The following ANKRD18A variants were observed in gnomAD, a reference collection of about 807,000 sequenced individuals.
ANKRD18A encodes ankyrin repeat domain-containing protein 18A.
Under a neutral mutation model 110.6 loss-of-function variants are expected in ANKRD18A, and 72 were observed. The observed-to-expected ratio is 0.65, with a 90% CI of 0.54 to 0.79. The LOEUF is 0.79. ANKRD18A is among the 30% of genes least tolerant of loss of function. ANKRD18A has a pLI of 0.00. For missense variants in ANKRD18A, 934 were observed against 1,163.3 expected, an observed-to-expected ratio of 0.80 and a Z score of 2.87; for synonymous variants, 305 against 410.3, an observed-to-expected ratio of 0.74 and a Z score of 3.10.
chr9:38,590,513 A>T (rs1331617662), intron 10 of ANKRD18A, among the ~76,000 whole-genome samples: 1 of 152,058 alleles, frequency 6.6e-6, no homozygotes, highest in East Asian at 1.9e-4. Context: ...CAGCCTCCCA[A>T]AGTGTTGGGA....
chr9:38,597,701 G>C (rs557164373), intron 8 of ANKRD18A, among the ~76,000 whole-genome samples: 1 of 152,132 alleles, frequency 6.6e-6, no homozygotes, highest in Non-Finnish European at 1.5e-5. Context: ...ATGGCTCAGA[G>C]GGTGGTGGGA....
At chr9:38,571,173 G>A, downstream of ANKRD18A, 2 of 1,534,402 alleles carry the variant, frequency 1.3e-6, no homozygotes, top group South Asian at 1.2e-5. Flanking sequence ...AGCGCATGAT[G>A]GGAAGGGCTC....
At chr9:38,598,528 G>C (rs1392887657) in intron 8 of ANKRD18A, among the ~76,000 whole-genome samples, 1 of 152,172 alleles carries the variant, frequency 6.6e-6, no homozygotes, top group Non-Finnish European at 1.5e-5. Context: ...CTCTTTTATA[G>C]TTGAACTTTT....
Position 38,611,322 on chromosome 9 carries a change from C to T in ANKRD18A, c.496-1G>A. 1 of 1,513,842 alleles carries T rather than the reference C, an allele frequency of 6.6e-7. No individual in the cohort carries two copies. Among genetic ancestry groups the T allele is most frequent in the Non-Finnish European group, 8.8e-7 (1 of 1,134,898 alleles). 93.8% of individuals were successfully genotyped at this position (1,513,842 alleles called of 1,614,324 possible). On this transcript the variant is annotated splice_acceptor_variant, in intron 3 of 15. Coordinates refer to ENST00000399703, the MANE Select transcript of ANKRD18A (RefSeq NM_147195.4). LOFTEE classifies it high-confidence loss of function. ...CAAACAAAAGTGGAGTGTTTCCCTCCTGTAAGAAAGCAAAAACAATTTATA... is the reference window on the plus strand; with the variant it reads ...CAAACAAAAGTGGAGTGTTTCCCTCTTGTAAGAAAGCAAAAACAATTTATA...
At chr9:38,618,282 A>C (rs1291570019) in intron 1 of ANKRD18A, among the ~76,000 whole-genome samples, 2 of 152,226 alleles carry the variant, frequency 1.3e-5, no homozygotes, top group African/African-American at 4.8e-5. Flanking sequence ...ACAAATGCTC[A>C]GAAGTTACAA....
intron 15 of ANKRD18A, chr9:38,572,915 ACT>A: frequency 5.8e-6 from 2 of 344,390 alleles, no homozygotes; most frequent in Non-Finnish European, 1.1e-5. Flanking sequence ...GCATAAGTAT[ACT>A]CTTCACTGTG....
chr9:38,593,806 T>C lies in ANKRD18A; in HGVS notation c.1958A>G (p.Asn653Ser). 3 of 1,542,740 alleles carry C rather than the reference T, an allele frequency of 1.9e-6. No homozygotes were observed. The highest frequency in any genetic ancestry group is 2.6e-6 in the Non-Finnish European group (3 of 1,143,652). Residue 653 changes from asparagine to serine, a missense_variant, in exon 10 of 16, where the codon AAT becomes AGT. Asn to Ser is a conservative substitution (Grantham distance 46, BLOSUM62 1). This residue lies in a region of ANKRD18A where 630 missense variants were observed against 797.5 expected (regional missense o/e 0.79). Transcript: ENST00000399703. ...EGTSHCHINL[N>S]ETWTSKKKLF... The stretch of plus-strand genomic sequence containing the variant: ...TTTCTTCTTTGAAGTCCATGTCTCA[T>C]TCAAATTAATATGACAATGTGATGT...
chr9:38,603,297 T>C lies in ANKRD18A; in HGVS notation c.809-85A>G. Reference sequence around the variant, plus strand: ...TTACCTGGCAAAGTTTCACTTACTCTGCATGCTTACCCTAAATCCTACCCA... The same window carrying C: ...TTACCTGGCAAAGTTTCACTTACTCCGCATGCTTACCCTAAATCCTACCCA... On this transcript the variant is annotated intron_variant, in intron 6 of 15. Transcript: ENST00000399703. The C allele has an allele frequency of 2.0e-6, 3 of 1,530,596 alleles. No individual in the cohort carries two copies. In the South Asian group the frequency reaches 3.6e-5, roughly 19 times the overall value. The allele number at this position is 1,530,596 out of a possible 1,614,324, so 94.8% of individuals were successfully genotyped here.
chr9:38,595,715 A>G lies in ANKRD18A; in HGVS notation c.1625T>C (p.Leu542Ser). Residue 542 changes from leucine (L) to serine (S), a missense_variant, in exon 9 of 16, where the codon TTA (leucine) becomes TCA (serine). Around this residue, in one of 4 missense-constraint regions of ANKRD18A, gnomAD observed 630 missense variants for 797.5 expected, o/e 0.79. Transcript: ENST00000399703. ...ESQSIGKQNS[L>S]EERIRQQELE... ...TTCTTGTTGACGTATTCTCTCCTCT[A>G]AAGAGTTCTGCTTTCCAATGGATTG... 6.4e-7 allele frequency: 1 copy of G among 1,551,398 alleles called. No homozygotes were observed.
rs1035397888 is a variant in ANKRD18A, at chr9:38,615,704, T to G, written c.385A>C (p.Ile129Leu). The change falls in exon 3 of 16, where the codon ATT becomes CTT. Residue 129 changes from isoleucine to leucine, a missense_variant. By Grantham distance (5) the Ile-to-Leu change is conservative. Coordinates refer to ENST00000399703, the MANE Select transcript of ANKRD18A (RefSeq NM_147195.4). ...VLLECGANPN[I>L]EDIYGNTALH... ...GCAGTGTTGCCGTAGATATCCTCAA[T>G]GTTTGGATTGGCGCCACATTCCAGG... is the stretch of plus-strand genomic sequence containing the variant. 1.7e-5 allele frequency: 27 copies of G among 1,612,662 alleles called. No homozygotes were observed. The highest frequency in any genetic ancestry group is 2.2e-5 in the Non-Finnish European group (26 of 1,179,868).
In ANKRD18A at chr9:38,596,414, CA is replaced by C; in HGVS notation, c.937-12del. The C allele has an allele frequency of 3.5e-6, 5 of 1,428,734 alleles. No individual in the cohort carries two copies. The highest frequency in any genetic ancestry group is 3.7e-6 in the Non-Finnish European group (4 of 1,089,734). The allele number at this position is 1,428,734 out of a possible 1,614,324, so 88.5% of individuals were successfully genotyped here. A position where few individuals can be genotyped will look rare whatever the true frequency, so the allele number is the denominator to read the frequency against. ...GTAACTTTGAGAATCCTAAATAAAA[CA>C]AAACAAATTTTTAGTTAGCACTCAA... On this transcript the variant is annotated splice_polypyrimidine_tract_variant and intron_variant, in intron 8 of 15. Transcript: ENST00000399703.
chr9:38,588,749 A>C, intron 10 of ANKRD18A, 86 bp from the exon 11 acceptor site: 1 of 945,842 alleles, frequency 1.1e-6, no homozygotes, highest in East Asian at 3.4e-5. Flanking sequence ...AAGTTGATGA[A>C]TAATATGTAT....
chr9:38,590,849 T>C (rs568934251), intron 10 of ANKRD18A, among the ~76,000 whole-genome samples: 80 of 152,254 alleles, frequency 5.3e-4, no homozygotes, highest in African/African-American at 1.4e-3. Context: ...TTAGAGGCTA[T>C]TGATTGAGAT....
intron 10 of ANKRD18A, among the ~76,000 whole-genome samples, chr9:38,593,368 A>G (rs1824739122): frequency 6.6e-6 from 1 of 152,212 alleles, no homozygotes; most frequent in African/African-American, 2.4e-5. Flanking sequence ...TGCTGTGTCC[A>G]TTCACAAAAG....
At chr9:38,592,979 T>C (rs1401721852) in intron 10 of ANKRD18A, among the ~76,000 whole-genome samples, 1 of 152,208 alleles carries the variant, frequency 6.6e-6, no homozygotes, top group Non-Finnish European at 1.5e-5. Flanking sequence ...TAGGGTTGCT[T>C]TTCAGAGTGG....
At chr9:38,571,282 C>T, downstream of ANKRD18A, 2 of 1,373,984 alleles carry the variant, frequency 1.5e-6, no homozygotes, top group Non-Finnish European at 1.9e-6. Context: ...GGGGACAATT[C>T]AAAAAGACAT....
Position 38,610,266 on chromosome 9 carries a change from C to G in ANKRD18A, c.740+7G>C, listed in dbSNP as rs1825550105. ...GTATTAACCGGTCTTTTAATATAAG[C>G]ACATACCTTCTCAAATCAGAACAAA... On this transcript the variant is annotated splice_region_variant and intron_variant, in intron 5 of 15. Coordinates refer to ENST00000399703, the MANE Select transcript of ANKRD18A (RefSeq NM_147195.4). 1 of 1,531,284 alleles carries G rather than the reference C, an allele frequency of 6.5e-7. No homozygotes were observed. Among genetic ancestry groups the G allele is most frequent in the Non-Finnish European group, 8.8e-7 (1 of 1,140,356 alleles). 94.9% of individuals were successfully genotyped at this position (1,531,284 alleles called of 1,614,324 possible). A position where few individuals can be genotyped will look rare whatever the true frequency, so the allele number is the denominator to read the frequency against.
rs564311981 is a variant in ANKRD18A, at chr9:38,615,954, T to A, written c.297A>T (p.Arg99Ser). Residue 99 changes from arginine to serine, a missense_variant, in exon 2 of 16, where the codon AGA becomes AGT. Coordinates refer to ENST00000399703, the MANE Select transcript of ANKRD18A (RefSeq NM_147195.4). ...CCTTCATTAAAGGTGTCCTGTTTAG[T>A]CTGTCACAGATGTCGATCTGGCATC... ...HRRCQIDICD[R>S]LNRTPLMKAV... The A allele has an allele frequency of 1.8e-5, 28 of 1,576,818 alleles. No homozygotes were observed. In the East Asian group the frequency reaches 5.9e-4, roughly 33 times the overall value.
At chr9:38,601,297 G>C in intron 7 of ANKRD18A, 93 bp from the exon 8 acceptor site, 1 of 1,217,254 alleles carries the variant, frequency 8.2e-7, no homozygotes, top group South Asian at 1.6e-5. Context: ...TTTATAAATT[G>C]AGAGTTTAAA....
Sources: gnomAD v4.1 joint callset for allele counts (sites outside exome capture counted in the v4.1 genomes callset) on GRCh38, gnomAD v4.1.1 for gene constraint, gnomAD v4.1.1 regional missense constraint, MANE v1.5 for transcripts, NCBI Gene and HGNC (gene_info 2026-07-23, HGNC 2026-07-21) for gene names.